The following SOX5 variants were observed in gnomAD, a reference collection of about 807,000 sequenced individuals.
SOX5 encodes SRY-box transcription factor 5.
In SOX5, 9 loss-of-function variants were observed where a neutral mutation model predicts 92.0. The observed-to-expected ratio is 0.10, with a 90% CI of 0.06 to 0.17. SOX5 has a LOEUF of 0.17. SOX5 is among the 10% of genes least tolerant of loss of function. The probability of loss-of-function intolerance (pLI) is 1.00; values close to 1 mark genes in which losing one functional copy is unlikely to be tolerated. For synonymous variants in SOX5, 344 were observed against 336.3 expected (o/e 1.02, Z -0.25); for missense variants, 642 against 944.5 (o/e 0.68, Z 4.20).
At chr12:24,474,778 C>T (rs1366663493) in intron 1 of SOX5, among the ~76,000 whole-genome samples, 2 of 151,924 alleles carry the variant, frequency 1.3e-5, no homozygotes, top group Non-Finnish European at 2.9e-5. Flanking sequence ...TCAAGTGATC[C>T]ACCCGCCTCA....
chr12:23,676,890 GC>G lies in SOX5; in HGVS notation c.811-11327del, dbSNP rs776779811. Among the ~76,000 whole-genome samples, 54 of 152,150 alleles carry G rather than the reference GC, an allele frequency of 3.5e-4. 1 individual carries two copies. Among genetic ancestry groups the G allele is most frequent in the Non-Finnish European group, 2.8e-4 (19 of 68,026 alleles). The stretch of plus-strand genomic sequence containing the variant: ...TATTTGTGTCTGTCTCCATGGCTAA[GC>G]TGCCTGAAGAGTAAGGGCATAGCTA... On this transcript the variant is annotated intron_variant, in intron 6 of 14. Coordinates refer to ENST00000451604, the MANE Select transcript of SOX5 (RefSeq NM_006940.6).
intron 2 of SOX5, among the ~76,000 whole-genome samples, chr12:24,365,320 C>G (rs1334796665): frequency 6.6e-6 from 1 of 152,072 alleles, no homozygotes; most frequent in East Asian, 1.9e-4. Flanking sequence ...CTCCTTCTTT[C>G]AAGAAAGTAA....
chr12:24,248,493 T>G (rs977983548), intron 3 of SOX5, among the ~76,000 whole-genome samples: 4 of 152,208 alleles, frequency 2.6e-5, no homozygotes, highest in East Asian at 3.9e-4. Context: ...CAAGTGATTC[T>G]CCTGCCTCAG....
chr12:24,192,505 T>G (rs1176694035), intron 4 of SOX5, among the ~76,000 whole-genome samples: 1 of 152,214 alleles, frequency 6.6e-6, no homozygotes, highest in African/African-American at 2.4e-5. Context: ...TAATGTTGGT[T>G]TTATACAATT....
intron 1 of SOX5, among the ~76,000 whole-genome samples, chr12:24,494,615 G>T (rs999328494): frequency 2.0e-5 from 3 of 152,154 alleles, no homozygotes; most frequent in African/African-American, 7.2e-5. Flanking sequence ...TTCCCTGGAA[G>T]TAATGTGGTT....
intron 4 of SOX5, among the ~76,000 whole-genome samples, chr12:24,127,440 T>A (rs1949220660): frequency 6.6e-6 from 1 of 150,888 alleles, no homozygotes; most frequent in Admixed American, 6.6e-5. Flanking sequence ...ACCAATTGGT[T>A]ATCTAGTTTA....
rs577965687 is a variant in SOX5, at chr12:24,030,186, T to C, written c.-1-134162A>G. Among the ~76,000 whole-genome samples, 7 of 151,966 alleles carry C rather than the reference T, an allele frequency of 4.6e-5. No individual in the cohort carries two copies. The East Asian group carries it at 1.4e-3, about 29-fold the overall frequency. On this transcript the variant is annotated intron_variant, in intron 4 of 4. Coordinates refer to the SOX5 transcript ENST00000446891. ...ACTTTGTAAAACACAAATAATACTA[T>C]TTTTTTGATAGTTCACTAATAAAAA... is the stretch of plus-strand genomic sequence containing the variant.
At chr12:24,542,715 T>A (rs528154140) in intron 1 of SOX5, among the ~76,000 whole-genome samples, 5 of 152,198 alleles carry the variant, frequency 3.3e-5, no homozygotes, top group Non-Finnish European at 7.3e-5. Flanking sequence ...AATGAATGTT[T>A]TATTGACACC....
At chr12:24,344,430 G>A (rs547617350) in intron 2 of SOX5, among the ~76,000 whole-genome samples, 22 of 152,020 alleles carry the variant, frequency 1.4e-4, no homozygotes, top group Admixed American at 7.9e-4. Context: ...TGGGAACAAC[G>A]TCGGGGAGAA....
chr12:24,558,906 A>G (rs1435226365), intron 1 of SOX5, among the ~76,000 whole-genome samples: 1 of 152,222 alleles, frequency 6.6e-6, no homozygotes, highest in Non-Finnish European at 1.5e-5. Flanking sequence ...CATTCATCAA[A>G]TTGAGGCATT....
intron 4 of SOX5, among the ~76,000 whole-genome samples, chr12:24,044,770 A>G (rs896392095): frequency 6.6e-5 from 10 of 152,172 alleles, no homozygotes; most frequent in Non-Finnish European, 2.9e-5. Context: ...CCAGAAGGCT[A>G]TTCTATTATC....
rs974586991 is a variant in SOX5, at chr12:23,791,019, G to A, written c.482-35295C>T. On this transcript the variant is annotated intron_variant, in intron 3 of 14. Coordinates refer to ENST00000451604, the MANE Select transcript of SOX5 (RefSeq NM_006940.6). The stretch of plus-strand genomic sequence containing the variant: ...AATGTCCCTCATCTCAGTAAATAAC[G>A]TTACCAGTCTAACAACTGCTGAGGA... 3.3e-5 allele frequency among the ~76,000 whole-genome samples: 5 copies of A among 152,092 alleles called. No homozygotes were observed. The South Asian group carries it at 8.3e-4, about 25-fold the overall frequency.
chr12:23,897,126 A>G (rs1387974424), intron 1 of SOX5, among the ~76,000 whole-genome samples: 1 of 152,140 alleles, frequency 6.6e-6, no homozygotes, highest in Non-Finnish European at 1.5e-5. Flanking sequence ...TCAACAAACA[A>G]AGAGTGTTTA....
intron 1 of SOX5, among the ~76,000 whole-genome samples, chr12:24,541,739 A>C (rs529226379): frequency 1.3e-5 from 2 of 152,342 alleles, no homozygotes; most frequent in Admixed American, 1.3e-4. Context: ...TATTGTTTTG[A>C]GAACATAACG....
In SOX5 at chr12:24,242,293, C is replaced by T. The variant is rs527805345; in HGVS notation, c.-76-28876G>A. On this transcript the variant is annotated intron_variant, in intron 3 of 4. Transcript: ENST00000446891. ...TTGGTTATGGCTATAAATACTGCAC[C>T]TCTTCTGAATTAAATCAATTTTCCT... is the stretch of plus-strand genomic sequence containing the variant. Among the ~76,000 whole-genome samples, 81 of 152,230 alleles carry T rather than the reference C, an allele frequency of 5.3e-4. 1 individual carries two copies. The South Asian group carries it at 0.016, about 31-fold the overall frequency.
chr12:23,803,840 T>C (rs2095709033), intron 3 of SOX5, among the ~76,000 whole-genome samples: 1 of 152,118 alleles, frequency 6.6e-6, no homozygotes, highest in Non-Finnish European at 1.5e-5. Flanking sequence ...AAAAGACACA[T>C]GAACCGCATT....
intron 4 of SOX5, among the ~76,000 whole-genome samples, chr12:23,985,606 C>G (rs959627846): frequency 1.8e-4 from 27 of 152,014 alleles, no homozygotes; most frequent in African/African-American, 6.3e-4. Flanking sequence ...AAGTGAAGAG[C>G]CTTCATAGAT....
chr12:24,107,114 C>T (rs992518420), intron 4 of SOX5, among the ~76,000 whole-genome samples: 1 of 152,086 alleles, frequency 6.6e-6, no homozygotes, highest in Non-Finnish European at 1.5e-5. Context: ...TCTGTTACTA[C>T]TGGATACCTA....
chr12:23,790,243 C>A (rs1005691457), intron 3 of SOX5, among the ~76,000 whole-genome samples: 1 of 152,128 alleles, frequency 6.6e-6, no homozygotes, highest in African/African-American at 2.4e-5. Flanking sequence ...TATTTCTCTT[C>A]ATTTACATAA....
Sources: gnomAD v4.1 joint callset for allele counts (sites outside exome capture counted in the v4.1 genomes callset) on GRCh38, gnomAD v4.1.1 for gene constraint, MANE v1.5 for transcripts, NCBI Gene and HGNC (gene_info 2026-07-23, HGNC 2026-07-21) for gene names.